The following ADORA1 variants were observed in gnomAD, a reference collection of about 807,000 sequenced individuals.
ADORA1 encodes adenosine A1 receptor.
ADORA1 carries 6 observed loss-of-function variants against 19.9 expected under a neutral mutation model. The observed-to-expected ratio is 0.30, with a 90% confidence interval of 0.17 to 0.59. ADORA1 has a LOEUF of 0.59. Ranked by LOEUF, ADORA1 falls within the 20% of genes least tolerant of loss-of-function variation. The pLI is 0.87. For missense variants in ADORA1, 302 were observed against 439.2 expected (o/e 0.69, Z 2.79); for synonymous variants, 194 against 188.4 (o/e 1.03, Z -0.24).
chr1:203,164,937 C>A, intron 3 of ADORA1: 4 of 1,053,838 alleles, frequency 3.8e-6, no homozygotes, highest in South Asian at 1.5e-5. Flanking sequence ...CCAGTGGGGG[C>A]ATGCTGAGCA....
At chr1:203,140,680 C>T (rs1342488046) in intron 3 of ADORA1, among the ~76,000 whole-genome samples, 1 of 152,224 alleles carries the variant, frequency 6.6e-6, no homozygotes, top group Non-Finnish European at 1.5e-5. Context: ...CAGCTGCTCT[C>T]TTTCCACCTT....
intron 3 of ADORA1, among the ~76,000 whole-genome samples, chr1:203,161,772 A>G (rs1432935178): frequency 4.0e-5 from 6 of 151,824 alleles, no homozygotes; most frequent in Admixed American, 3.9e-4. Context: ...ATGGGGTTTC[A>G]CCATGTTGGC....
At chr1:203,136,139 A>C (rs1188355424) in intron 3 of ADORA1, among the ~76,000 whole-genome samples, 1 of 151,922 alleles carries the variant, frequency 6.6e-6, no homozygotes, top group Admixed American at 6.6e-5. Flanking sequence ...GGCATGAATC[A>C]CTCCTTTAAC....
intron 3 of ADORA1, among the ~76,000 whole-genome samples, chr1:203,146,184 G>C (rs1158325804): frequency 6.6e-6 from 1 of 152,142 alleles, no homozygotes; most frequent in East Asian, 1.9e-4. Flanking sequence ...GGGCCTACAT[G>C]TTGGGCATCT....
chr1:203,154,165 C>T (rs1655122667), intron 3 of ADORA1, among the ~76,000 whole-genome samples: 1 of 152,204 alleles, frequency 6.6e-6, no homozygotes, highest in African/African-American at 2.4e-5. Flanking sequence ...GTTGACAGGA[C>T]ACTGTGTCAT....
intron 3 of ADORA1, among the ~76,000 whole-genome samples, chr1:203,144,312 C>G (rs1654794846): frequency 6.6e-6 from 1 of 152,150 alleles, no homozygotes; most frequent in Non-Finnish European, 1.5e-5. Context: ...CTATTCATCT[C>G]TATATCCACA....
intron 3 of ADORA1, among the ~76,000 whole-genome samples, chr1:203,151,981 CA>C (rs1019013798): frequency 6.6e-6 from 1 of 152,220 alleles, no homozygotes. Context: ...CTCCTCCCCA[CA>C]AGGAGTTCCG....
At chr1:203,151,912 T>C (rs1428309475) in intron 3 of ADORA1, among the ~76,000 whole-genome samples, 1 of 152,168 alleles carries the variant, frequency 6.6e-6, no homozygotes, top group African/African-American at 2.4e-5. Context: ...ATGGAATCCT[T>C]TCAGAAGGGA....
intron 3 of ADORA1, among the ~76,000 whole-genome samples, chr1:203,153,524 A>C (rs1655102304): frequency 6.6e-6 from 1 of 152,146 alleles, no homozygotes; most frequent in Admixed American, 6.5e-5. Context: ...CTTTTCTTTC[A>C]AGACACAGAG....
chr1:203,163,061 C>T (rs986891301), intron 3 of ADORA1, among the ~76,000 whole-genome samples: 1 of 152,198 alleles, frequency 6.6e-6, no homozygotes, highest in Non-Finnish European at 1.5e-5. Flanking sequence ...TCCACCATAT[C>T]TGAGAGGACA....
Position 203,165,913 on chromosome 1 carries a change from G to A in ADORA1, c.*13G>A, listed in dbSNP as rs200653241. 211 of 1,539,132 alleles carry A rather than the reference G, an allele frequency of 1.4e-4. 3 individuals are homozygous for A. In the South Asian group the frequency reaches 2.5e-3, roughly 18 times the overall value. ...GCCTGATGACTAGACCCCGCCTTCCGCTCCCACCAGCCCACATCCAGTGGG... is the reference window on the plus strand; with the variant it reads ...GCCTGATGACTAGACCCCGCCTTCCACTCCCACCAGCCCACATCCAGTGGG... On this transcript the variant is annotated 3_prime_UTR_variant, in exon 4 of 4. Transcript: ENST00000337894. This position sits in a 1 kb window ranked among gnomAD's most constrained non-coding sequence, Gnocchi z 5.9.
At position 203,128,944 on chromosome 1, in the gene ADORA1, A is replaced by G; in HGVS notation, c.103A>G (p.Lys35Glu). The G allele has an allele frequency of 6.2e-7, 1 of 1,614,066 alleles. No individual in the cohort carries two copies. ...PGNVLVIWAV[K>E]VNQALRDATF... ...GAACGTGCTGGTGATCTGGGCGGTG[A>G]AGGTGAACCAGGCGCTGCGGGATGC... The change falls in exon 3 of 4, where the codon AAG becomes GAG. Residue 35 changes from lysine (K) to glutamate (E), a missense_variant. By Grantham distance (56) the Lys-to-Glu change is moderately conservative. Coordinates refer to ENST00000337894, the MANE Select transcript of ADORA1 (RefSeq NM_000674.3). The surrounding 1 kb of genome is among the most constrained non-coding windows in gnomAD (Gnocchi z 5.9).
chr1:203,159,975 G>A (rs1298257476), intron 3 of ADORA1, among the ~76,000 whole-genome samples: 4 of 152,244 alleles, frequency 2.6e-5, no homozygotes, highest in Non-Finnish European at 5.9e-5. Flanking sequence ...AGTCCAGGGA[G>A]ATTTGCCTGG....
At chr1:203,137,546 A>G (rs114341562) in intron 3 of ADORA1, among the ~76,000 whole-genome samples, 244 of 152,304 alleles carry the variant, frequency 1.6e-3, no homozygotes, top group African/African-American at 5.8e-3. Flanking sequence ...GTTAGGTGCT[A>G]TTGCAGTGAT....
At chr1:203,147,910 GAAAT>G (rs1654905843) in intron 3 of ADORA1, among the ~76,000 whole-genome samples, 1 of 152,090 alleles carries the variant, frequency 6.6e-6, no homozygotes, top group South Asian at 2.1e-4. Context: ...TCAGTAAAAA[GAAAT>G]AAAATTCCAT....
chr1:203,149,120 C>T (rs1426809465), intron 3 of ADORA1, among the ~76,000 whole-genome samples: 3 of 152,110 alleles, frequency 2.0e-5, no homozygotes, highest in African/African-American at 7.2e-5. Context: ...TCAGGTGGTC[C>T]ACCCTCCTCA....
At chr1:203,135,657 CAA>C (rs10712199) in intron 3 of ADORA1, among the ~76,000 whole-genome samples, 1,620 of 131,748 alleles carry the variant, frequency 0.012, 18 homozygotes, top group African/African-American at 0.032. Context: ...GACTTTGTCT[CAA>C]AAAAAAAAAA....
At chr1:203,155,751 A>G in intron 3 of ADORA1, among the ~76,000 whole-genome samples, 1 of 152,180 alleles carries the variant, frequency 6.6e-6, no homozygotes, top group Non-Finnish European at 1.5e-5. Flanking sequence ...CATACATTTC[A>G]TAAGAGGCCC....
In ADORA1 at chr1:203,128,306, C is replaced by A. The variant is rs763080852; in HGVS notation, c.-184C>A. ...GGGCTGGGAGCGCTGCGGCGGGAGC[C>A]GGAGGACTATGAGCTGCCGCGCGTT... On this transcript the variant is annotated 5_prime_UTR_variant, in exon 2 of 4. Coordinates refer to ENST00000337894, the MANE Select transcript of ADORA1 (RefSeq NM_000674.3). This position sits in a 1 kb window ranked among gnomAD's most constrained non-coding sequence, Gnocchi z 5.9. 9 of 1,280,926 alleles carry A rather than the reference C, an allele frequency of 7.0e-6. No individual in the cohort carries two copies. Among genetic ancestry groups the A allele is most frequent in the Non-Finnish European group, 9.2e-6 (9 of 982,648 alleles). The allele number at this position is 1,280,926 out of a possible 1,614,324, so 79.3% of individuals were successfully genotyped here. A position where few individuals can be genotyped will look rare whatever the true frequency, so the allele number is the denominator to read the frequency against.
Sources: gnomAD v4.1 joint callset for allele counts (sites outside exome capture counted in the v4.1 genomes callset) on GRCh38, gnomAD v4.1.1 for gene constraint, Gnocchi (gnomAD v3.1) non-coding constraint, MANE v1.5 for transcripts, NCBI Gene and HGNC (gene_info 2026-07-23, HGNC 2026-07-21) for gene names.